ANO3: variants seen among roughly 807,000 people sequenced by gnomAD.
ANO3 encodes anoctamin 3.
A neutral mutation model predicts 144.8 loss-of-function variants in ANO3; 99 were observed. The ratio of observed to expected loss-of-function variants is 0.68; its 90% confidence interval spans 0.58 to 0.81. The LOEUF (loss-of-function observed/expected upper bound fraction) is 0.81. Ranked by LOEUF, ANO3 falls within the 30% of genes least tolerant of loss-of-function variation. ANO3 has a pLI of 0.00. For missense variants in ANO3, 905 were observed against 1,202.2 expected, an observed-to-expected ratio of 0.75 and a Z score of 3.66; for synonymous variants, 414 against 392.6, an observed-to-expected ratio of 1.05 and a Z score of -0.64.
chr11:26,647,630 T>C, intron 23 of ANO3, 79 bp from the exon 24 acceptor site: 1 of 1,393,076 alleles, frequency 7.2e-7, no homozygotes, highest in South Asian at 1.4e-5. Flanking sequence ...AAGTAAAACA[T>C]TATTTCCAAA....
In ANO3 at chr11:26,537,465, A is replaced by T; in HGVS notation, c.1032+4A>T. The T allele has an allele frequency of 1.2e-6, 2 of 1,611,704 alleles. No homozygotes were observed. Among genetic ancestry groups the T allele is most frequent in the African/African-American group, 2.7e-5 (2 of 75,006 alleles). ...AGCAGCGTTTCCACCACATGAGGTA[A>T]TTTTGAAATACAGTTTCCGCTTTAT... On this transcript the variant is annotated splice_donor_region_variant and intron_variant, in intron 10 of 26. Transcript: ENST00000256737.
chr11:26,657,772 A>G (rs1442457744), intron 26 of ANO3, among the ~76,000 whole-genome samples: 2 of 152,060 alleles, frequency 1.3e-5, no homozygotes, highest in African/African-American at 4.8e-5. Context: ...TCCCCATTTT[A>G]CTGTTTTTAG....
chr11:26,243,941 A>G (rs1852722571), intron 1 of ANO3, among the ~76,000 whole-genome samples: 2 of 152,084 alleles, frequency 1.3e-5, no homozygotes, highest in South Asian at 2.1e-4. Flanking sequence ...AGAATGGTGA[A>G]ACTCCGCCTG....
At chr11:26,442,245 C>CA in intron 2 of ANO3, 133 bp downstream of exon 2, 2 of 829,274 alleles carry the variant, frequency 2.4e-6, no homozygotes, top group Non-Finnish European at 1.9e-6. Context: ...GAAAGGAGAC[C>CA]AGTACACCAT....
intron 1 of ANO3, among the ~76,000 whole-genome samples, chr11:26,436,712 T>C (rs1210382793): frequency 6.6e-6 from 1 of 152,146 alleles, no homozygotes; most frequent in Non-Finnish European, 1.5e-5. Context: ...CTCCAGCCTC[T>C]TGTTGCCTTG....
At chr11:26,651,807 A>C (rs1006415029) in intron 24 of ANO3, among the ~76,000 whole-genome samples, 1 of 152,202 alleles carries the variant, frequency 6.6e-6, no homozygotes. Context: ...GGCCTACAGG[A>C]AGTTACTTAG....
intron 1 of ANO3, among the ~76,000 whole-genome samples, chr11:26,356,764 C>G (rs1855795677): frequency 6.6e-6 from 1 of 152,158 alleles, no homozygotes; most frequent in African/African-American, 2.4e-5. Flanking sequence ...TCTGGAGGCT[C>G]TAAGGGGAGA....
intron 1 of ANO3, among the ~76,000 whole-genome samples, chr11:26,438,031 T>C (rs1253083607): frequency 4.1e-5 from 6 of 146,588 alleles, no homozygotes; most frequent in Admixed American, 1.3e-4. Context: ...TTCAACACAC[T>C]ACTGAACAAA....
intron 14 of ANO3, among the ~76,000 whole-genome samples, chr11:26,581,915 C>T (rs915051444): frequency 6.6e-6 from 1 of 152,140 alleles, no homozygotes; most frequent in African/African-American, 2.4e-5. Flanking sequence ...GTATGTGTAA[C>T]AACTAGAGTG....
chr11:26,656,249 A>T lies in ANO3; in HGVS notation c.2657+44A>T, dbSNP rs72881793. 0.027 allele frequency: 41,570 copies of T among 1,552,892 alleles called. 621 individuals are homozygous for T. The highest frequency in any genetic ancestry group is 0.058 in the Middle Eastern group (340 of 5,912). On this transcript the variant is annotated intron_variant, in intron 25 of 26. Coordinates refer to ENST00000256737, the MANE Select transcript of ANO3 (RefSeq NM_031418.4). ...TTTCCTGCTTGCTTTCACCATTCCAAGTACTCCCCCCTGCATGTTAATGAG... is the reference window on the plus strand; with the variant it reads ...TTTCCTGCTTGCTTTCACCATTCCATGTACTCCCCCCTGCATGTTAATGAG...
At chr11:26,217,670 G>T (rs75768466) in intron 1 of ANO3, among the ~76,000 whole-genome samples, 2,317 of 152,084 alleles carry the variant, frequency 0.015, 51 homozygotes, top group East Asian at 0.13. Flanking sequence ...GAAAAAGTTG[G>T]CAAATAGTAT....
intron 1 of ANO3, among the ~76,000 whole-genome samples, chr11:26,428,227 A>G (rs1468365562): frequency 6.6e-6 from 1 of 152,220 alleles, no homozygotes; most frequent in Non-Finnish European, 1.5e-5. Flanking sequence ...ACAAGACAAT[A>G]TAACAGAATT....
At chr11:26,634,080 CAAAAA>C (rs10631901) in intron 18 of ANO3, 119 bp from the exon 19 acceptor site, 20 of 359,556 alleles carry the variant, frequency 5.6e-5, no homozygotes, top group Middle Eastern at 6.9e-4. Context: ...ACTCCATTTC[CAAAAA>C]AAAAAAAAAA....
At chr11:26,640,680 G>A (rs935917246) in intron 21 of ANO3, among the ~76,000 whole-genome samples, 6 of 152,022 alleles carry the variant, frequency 3.9e-5, no homozygotes, top group Non-Finnish European at 5.9e-5. Flanking sequence ...ATGGCCTTGC[G>A]CTAGGGGTCA....
At chr11:26,597,900 T>C (rs1288909745) in intron 14 of ANO3, among the ~76,000 whole-genome samples, 2 of 152,214 alleles carry the variant, frequency 1.3e-5, no homozygotes, top group Non-Finnish European at 2.9e-5. Flanking sequence ...GAGTTTCTTC[T>C]CTTGTCTTTC....
At chr11:26,468,206 C>T (rs1279173690) in intron 4 of ANO3, among the ~76,000 whole-genome samples, 1 of 151,894 alleles carries the variant, frequency 6.6e-6, no homozygotes, top group Non-Finnish European at 1.5e-5. Context: ...CCATGGCATC[C>T]GTAGTGGGCA....
chr11:26,511,683 G>C (rs937707955), intron 5 of ANO3, among the ~76,000 whole-genome samples: 4 of 152,114 alleles, frequency 2.6e-5, no homozygotes, highest in Admixed American at 2.6e-4. Context: ...TAGAAGAAAG[G>C]GAAGGAGGGA....
At chr11:26,643,083 T>G in intron 22 of ANO3, 99 bp from the exon 23 acceptor site, 1 of 1,026,800 alleles carries the variant, frequency 9.7e-7, no homozygotes, top group South Asian at 1.5e-5. Context: ...CTATCTACTT[T>G]GTAAGGATGT....
At chr11:26,525,998 G>T (rs1362778498) in intron 7 of ANO3, among the ~76,000 whole-genome samples, 1 of 152,014 alleles carries the variant, frequency 6.6e-6, no homozygotes, top group Non-Finnish European at 1.5e-5. Flanking sequence ...ATGTTTAAAT[G>T]ATGACCCACA....
Sources: gnomAD v4.1 joint callset for allele counts (sites outside exome capture counted in the v4.1 genomes callset) on GRCh38, gnomAD v4.1.1 for gene constraint, MANE v1.5 for transcripts, NCBI Gene and HGNC (gene_info 2026-07-23, HGNC 2026-07-21) for gene names.